The following BCKDHB variants were observed in gnomAD, a reference collection of about 807,000 sequenced individuals.
BCKDHB encodes the protein 2-oxoisovalerate dehydrogenase subunit beta, mitochondrial.
A neutral mutation model predicts 48.5 loss-of-function variants in BCKDHB; 41 were observed. That is an observed-to-expected ratio of 0.85 (90% CI 0.66 to 1.10). BCKDHB has a LOEUF of 1.10. Ranked by LOEUF, BCKDHB falls within the 50% of genes least tolerant of loss-of-function variation. The pLI is 0.00. For missense variants in BCKDHB, 496 were observed against 494.2 expected, an observed-to-expected ratio of 1.00 and a Z score of -0.03; for synonymous variants, 201 against 174.8, an observed-to-expected ratio of 1.15 and a Z score of -1.18.
chr6:80,289,108 A>G (rs1381748045), intron 9 of BCKDHB, among the ~76,000 whole-genome samples: 1 of 152,204 alleles, frequency 6.6e-6, no homozygotes, highest in African/African-American at 2.4e-5. Context: ...ATGTATATCT[A>G]GAACTTACTC....
chr6:80,313,685 TATTA>T (rs933505549), intron 9 of BCKDHB, among the ~76,000 whole-genome samples: 1 of 152,142 alleles, frequency 6.6e-6, no homozygotes, highest in Non-Finnish European at 1.5e-5. Context: ...TGACCTATTT[TATTA>T]ATTTTTTCAA....
intron 8 of BCKDHB, among the ~76,000 whole-genome samples, chr6:80,243,916 ATGTT>A (rs1325566306): frequency 2.6e-5 from 4 of 152,162 alleles, no homozygotes; most frequent in African/African-American, 4.8e-5. Context: ...GGCTATATTT[ATGTT>A]TGTCTATTTC....
chr6:80,373,353 C>A, the BCKDHB span, among the ~76,000 whole-genome samples: 3 of 152,106 alleles, frequency 2.0e-5, no homozygotes, highest in Admixed American at 2.0e-4. Context: ...CTTGGTTAAT[C>A]TTGCTAATGG....
intron 6 of BCKDHB, among the ~76,000 whole-genome samples, chr6:80,190,394 A>C (rs1339653285): frequency 1.3e-5 from 2 of 152,186 alleles, no homozygotes; most frequent in African/African-American, 4.8e-5. Flanking sequence ...ATACTTCTGA[A>C]ACCCATTTTG....
At chr6:80,272,551 C>T (rs1425085073) in intron 8 of BCKDHB, among the ~76,000 whole-genome samples, 1 of 152,068 alleles carries the variant, frequency 6.6e-6, no homozygotes, top group Non-Finnish European at 1.5e-5. Context: ...ATTGAGAATA[C>T]GTACTCATTG....
intron 9 of BCKDHB, among the ~76,000 whole-genome samples, chr6:80,338,103 T>C (rs1769690452): frequency 6.6e-6 from 1 of 152,182 alleles, no homozygotes. Flanking sequence ...TAGCCAACTT[T>C]CCGTCAGAAG....
chr6:80,188,453 T>C lies in BCKDHB; in HGVS notation c.743-12481T>C, dbSNP rs374569219. Among the ~76,000 whole-genome samples the C allele has an allele frequency of 7.2e-5, 11 of 152,062 alleles. No individual in the cohort carries two copies. In the South Asian group the frequency reaches 1.5e-3, roughly 20 times the overall value. On this transcript the variant is annotated intron_variant, in intron 6 of 9. Coordinates refer to ENST00000320393, the MANE Select transcript of BCKDHB (RefSeq NM_183050.4). ...GGGTTTGAGACCAGCCTGGGCAACATGGTGAGACCCCCGTCTCTACAAAAA... is the reference window on the plus strand; with the variant it reads ...GGGTTTGAGACCAGCCTGGGCAACACGGTGAGACCCCCGTCTCTACAAAAA...
At chr6:80,297,894 C>T (rs1767339546) in intron 9 of BCKDHB, among the ~76,000 whole-genome samples, 1 of 152,108 alleles carries the variant, frequency 6.6e-6, no homozygotes, top group Non-Finnish European at 1.5e-5. Flanking sequence ...CAATGCAGTG[C>T]AAAACAGAAC....
chr6:80,179,793 G>C, intron 6 of BCKDHB, among the ~76,000 whole-genome samples: 1 of 152,160 alleles, frequency 6.6e-6, no homozygotes, highest in East Asian at 1.9e-4. Flanking sequence ...TACAGGTAGG[G>C]GGTTTGGGAA....
chr6:80,132,035 A>G (rs940068153), intron 3 of BCKDHB, among the ~76,000 whole-genome samples: 1 of 151,956 alleles, frequency 6.6e-6, no homozygotes, highest in African/African-American at 2.4e-5. Context: ...TTTTTACTCT[A>G]CAGACCTAGG....
intron 8 of BCKDHB, among the ~76,000 whole-genome samples, chr6:80,268,083 A>G (rs1777588783): frequency 1.3e-5 from 2 of 152,064 alleles, no homozygotes; most frequent in African/African-American, 4.8e-5. Flanking sequence ...AATACTAGCC[A>G]GTGGTCCAGT....
chr6:80,111,225 T>G (rs776783366), intron 1 of BCKDHB, among the ~76,000 whole-genome samples: 5 of 152,178 alleles, frequency 3.3e-5, no homozygotes, highest in Non-Finnish European at 7.4e-5. Flanking sequence ...GAATTTGTAT[T>G]GAAAAGAAAC....
intron 3 of BCKDHB, among the ~76,000 whole-genome samples, chr6:80,152,134 G>A (rs1476852979): frequency 6.7e-6 from 1 of 150,106 alleles, no homozygotes; most frequent in Non-Finnish European, 1.5e-5. Context: ...AGTCGTTACA[G>A]GTTTATTCAG....
At chr6:80,121,103 C>T (rs930161858) in intron 1 of BCKDHB, among the ~76,000 whole-genome samples, 3 of 152,114 alleles carry the variant, frequency 2.0e-5, no homozygotes, top group Admixed American at 6.5e-5. Flanking sequence ...TTCCCAGCAC[C>T]ATTTATTAAA....
chr6:80,357,981 T>A, the BCKDHB span, among the ~76,000 whole-genome samples: 1 of 152,238 alleles, frequency 6.6e-6, no homozygotes, highest in Admixed American at 6.5e-5. Context: ...ACCATTCATG[T>A]CAGAAAATGT....
At chr6:80,360,585 ATTTT>A in the BCKDHB span, among the ~76,000 whole-genome samples, 1 of 152,168 alleles carries the variant, frequency 6.6e-6, no homozygotes, top group Admixed American at 6.6e-5. Flanking sequence ...TAGTGATGCC[ATTTT>A]TTTATTAGAA....
the BCKDHB span, among the ~76,000 whole-genome samples, chr6:80,405,734 T>A: frequency 1.3e-5 from 2 of 152,184 alleles, no homozygotes; most frequent in African/African-American, 4.8e-5. Context: ...GAAGTTTACA[T>A]AAAACATCTA....
chr6:80,317,294 T>G (rs982233622), intron 9 of BCKDHB, among the ~76,000 whole-genome samples: 2 of 152,214 alleles, frequency 1.3e-5, no homozygotes, highest in Non-Finnish European at 2.9e-5. Context: ...TGTCTTACAG[T>G]TCTGTAGGTT....
intron 8 of BCKDHB, among the ~76,000 whole-genome samples, chr6:80,248,456 A>T (rs1433865895): frequency 6.6e-6 from 1 of 152,138 alleles, no homozygotes; most frequent in African/African-American, 2.4e-5. Context: ...GTTTGAAAAA[A>T]GATTAATTCA....
Sources: allele counts gnomAD v4.1 joint callset (sites outside exome capture counted in the v4.1 genomes callset), GRCh38; gene constraint gnomAD v4.1.1; transcripts MANE v1.5; gene names NCBI Gene and HGNC (gene_info 2026-07-23, HGNC 2026-07-21).